Variants in ENTPD5 observed in about 807,000 individuals in gnomAD.
The protein encoded by ENTPD5 is ectonucleoside triphosphate diphosphohydrolase 5 (inactive), also known as nucleoside diphosphate phosphatase ENTPD5.
In ENTPD5, 49 loss-of-function variants were observed where a neutral mutation model predicts 60.2. That is an observed-to-expected ratio of 0.81 (90% CI 0.65 to 1.03). The LOEUF is 1.03. ENTPD5 is among the 50% of genes least tolerant of loss of function. ENTPD5 has a pLI of 0.00. For synonymous variants in ENTPD5, 187 were observed against 185.4 expected (o/e 1.01, Z -0.07); for missense variants, 480 against 507.6 (o/e 0.95, Z 0.52).
chr14:73,998,664 A>C (rs2058412758), intron 3 of ENTPD5, among the ~76,000 whole-genome samples: 1 of 152,124 alleles, frequency 6.6e-6, no homozygotes, highest in African/African-American at 2.4e-5. Flanking sequence ...CTGAAACTTC[A>C]AAGCTGGGAT....
downstream of ENTPD5, chr14:73,961,942 C>T: frequency 6.2e-7 from 1 of 1,610,682 alleles, no homozygotes; most frequent in East Asian, 2.2e-5. Flanking sequence ...GCAAACAGCT[C>T]TTAATTTCTT....
rs766555064 is a variant in ENTPD5, at chr14:73,983,129, C to A, written c.330G>T (p.Val110=). 1.9e-5 allele frequency: 30 copies of A among 1,613,938 alleles called. No homozygotes were observed. Among genetic ancestry groups the A allele is most frequent in the Non-Finnish European group, 2.5e-5 (29 of 1,179,988 alleles). Residue 110 remains valine, a synonymous_variant, in exon 6 of 16, where the codon GTG becomes GTT. Coordinates refer to ENST00000334696, the MANE Select transcript of ENTPD5 (RefSeq NM_001249.5). The stretch of plus-strand genomic sequence containing the variant: ...GACTTCGGGGGATTGAGTCTTTGGC[C>A]ACCTCTAAGAGCCCTTGAACGGTCT... ...GAETVQGLLE[V]AKDSIPRSHW...
intron 3 of ENTPD5, among the ~76,000 whole-genome samples, chr14:74,007,309 C>T (rs1279239969): frequency 1.3e-5 from 2 of 152,078 alleles, no homozygotes; most frequent in Non-Finnish European, 2.9e-5. Context: ...ATCACGAGGT[C>T]AGGAAATCAA....
At chr14:73,973,660 A>C (rs2057322524) in intron 12 of ENTPD5, among the ~76,000 whole-genome samples, 1 of 152,198 alleles carries the variant, frequency 6.6e-6, no homozygotes, top group Non-Finnish European at 1.5e-5. Flanking sequence ...GGCTAAGGGC[A>C]GGTATCTAAT....
chr14:73,961,757 GGTTATGAAA>G, downstream of ENTPD5: 1 of 1,614,194 alleles, frequency 6.2e-7, no homozygotes, highest in Non-Finnish European at 8.5e-7. Flanking sequence ...CCACCTCACA[GGTTATGAAA>G]CAGAAAGACA....
chr14:73,959,486 T>G (rs2056604424), downstream of ENTPD5: 1 of 1,614,166 alleles, frequency 6.2e-7, no homozygotes, highest in Admixed American at 1.7e-5. Flanking sequence ...TTAGCATGGA[T>G]GAGGAAAAAT....
At chr14:74,010,311 T>C (rs1219434321) in intron 3 of ENTPD5, among the ~76,000 whole-genome samples, 2 of 152,126 alleles carry the variant, frequency 1.3e-5, no homozygotes, top group African/African-American at 2.4e-5. Context: ...TCCCAGCACT[T>C]TGGGAGGCCA....
At chr14:74,003,332 G>A in intron 3 of ENTPD5, 1 of 484,788 alleles carries the variant, frequency 2.1e-6, no homozygotes, top group South Asian at 1.8e-5. Flanking sequence ...AATAAAAACT[G>A]ACAATAGAAA....
chr14:73,986,844 T>C lies in ENTPD5; in HGVS notation c.267A>G (p.Gly89=). 1 of 1,614,098 alleles carries C rather than the reference T, an allele frequency of 6.2e-7. No homozygotes were observed. The highest frequency in any genetic ancestry group is 1.3e-5 in the African/African-American group (1 of 75,036). ...EGEVFDSVKP[G]LSAFVDQPKQ... is the part of the protein sequence containing the mutation. Reference sequence around the variant, plus strand: ...TAGGTTGATCTACAAAAGCAGAAAGTCCTGGCTTCACAGAATCAAAAACTT... The same window carrying C: ...TAGGTTGATCTACAAAAGCAGAAAGCCCTGGCTTCACAGAATCAAAAACTT... The change falls in exon 5 of 16, where the codon GGA becomes GGG. Residue 89 remains glycine, a synonymous_variant. Coordinates refer to ENST00000334696, the MANE Select transcript of ENTPD5 (RefSeq NM_001249.5).
At chr14:74,016,953 A>G (rs1299415344) in intron 1 of ENTPD5, among the ~76,000 whole-genome samples, 1 of 152,166 alleles carries the variant, frequency 6.6e-6, no homozygotes, top group East Asian at 1.9e-4. Flanking sequence ...TCAGAGATAA[A>G]CTCTTCAATA....
Position 73,987,970 on chromosome 14 carries a change from C to G in ENTPD5, c.133G>C (p.Ala45Pro). 1 of 1,614,086 alleles carries G rather than the reference C, an allele frequency of 6.2e-7. No individual in the cohort carries two copies. The highest frequency in any genetic ancestry group is 8.5e-7 in the Non-Finnish European group (1 of 1,179,994). Reference sequence around the variant, plus strand: ...AACATAATTCCATACAAGGTGCTGGCGCTGACATTGATGGGGCACATGGAA... The same window carrying G: ...AACATAATTCCATACAAGGTGCTGGGGCTGACATTGATGGGGCACATGGAA... The part of the protein sequence containing the change: ...LSSMCPINVS[A>P]STLYGIMFDA... The change falls in exon 4 of 16, where the codon GCC (alanine) becomes CCC (proline). Residue 45 changes from alanine to proline, a missense_variant. Transcript: ENST00000334696.
downstream of ENTPD5, chr14:73,956,050 T>C (rs184772321): frequency 1.6e-3 from 2,309 of 1,459,240 alleles, 3 homozygotes; most frequent in Middle Eastern, 3.4e-3. Context: ...GATGGCCGGG[T>C]GCGGTGGCTC....
At chr14:73,959,424 A>G (rs1326851277), downstream of ENTPD5, 1 of 1,614,166 alleles carries the variant, frequency 6.2e-7, no homozygotes, top group Admixed American at 1.7e-5. Flanking sequence ...GCTCTCAGAC[A>G]CCTTGAGTTC....
intron 3 of ENTPD5, among the ~76,000 whole-genome samples, chr14:73,991,291 C>T (rs957850246): frequency 1.3e-5 from 2 of 151,900 alleles, no homozygotes; most frequent in Non-Finnish European, 2.9e-5. Context: ...AATCTTAGCA[C>T]TGTTTACATT....
At chr14:73,979,572 C>T (rs9888592) in intron 6 of ENTPD5, among the ~76,000 whole-genome samples, 3,176 of 150,872 alleles carry the variant, frequency 0.021, 102 homozygotes, top group African/African-American at 0.073. Context: ...CCCGGGTTCA[C>T]ACCATTCTCC....
intron 7 of ENTPD5, 108 bp downstream of exon 7, chr14:73,977,191 T>G: frequency 8.2e-7 from 1 of 1,225,656 alleles, no homozygotes. Context: ...GTCTTCTATT[T>G]CCTGCTATCT....
intron 3 of ENTPD5, among the ~76,000 whole-genome samples, chr14:73,998,408 A>T (rs1284665903): frequency 6.6e-6 from 1 of 151,652 alleles, no homozygotes; most frequent in African/African-American, 2.4e-5. Context: ...TTCGAAACAG[A>T]TCCTTTTGTC....
At chr14:73,969,223 C>T (rs906200139) in intron 15 of ENTPD5, among the ~76,000 whole-genome samples, 2 of 152,196 alleles carry the variant, frequency 1.3e-5, no homozygotes, top group Admixed American at 6.5e-5. Flanking sequence ...AACTTCAGCT[C>T]TAGTATGTGT....
chr14:73,959,586 T>G, downstream of ENTPD5: 1 of 1,612,980 alleles, frequency 6.2e-7, no homozygotes, highest in Non-Finnish European at 8.5e-7. Context: ...GTGTTGTTTT[T>G]TTTTTTTTGA....
Sources: allele counts gnomAD v4.1 joint callset (sites outside exome capture counted in the v4.1 genomes callset), GRCh38; gene constraint gnomAD v4.1.1; transcripts MANE v1.5; gene names NCBI Gene and HGNC (gene_info 2026-07-23, HGNC 2026-07-21).